The following PLIN1 variants were observed in gnomAD, a reference collection of about 807,000 sequenced individuals.
The protein encoded by PLIN1 is perilipin 1, also known as perilipin-1.
A neutral mutation model predicts 45.8 loss-of-function variants in PLIN1; 37 were observed. That is an observed-to-expected ratio of 0.81 (90% CI 0.62 to 1.06). The LOEUF is 1.06. Among genes scored for constraint, PLIN1 ranks in the 50% least tolerant of loss-of-function variants. The pLI, the probability that PLIN1 is intolerant of heterozygous loss-of-function variation, is 0.00. For missense variants in PLIN1, 776 were observed against 716.5 expected, an observed-to-expected ratio of 1.08 and a Z score of -0.95; for synonymous variants, 340 against 309.2, an observed-to-expected ratio of 1.10 and a Z score of -1.05.
In PLIN1 at chr15:89,665,602, T is replaced by C. The variant is rs547042988; in HGVS notation, c.1550A>G (p.Gln517Arg). ...EPILGRTHYSQLRKKS is the reference protein window; with the variant it reads ...EPILGRTHYSRLRKKS The stretch of plus-strand genomic sequence containing the variant: ...GGCGACTCAGCTCTTCTTGCGCAGC[T>C]GGCTGTAATGCGTGCGGCCCAGGAT... The change falls in exon 9 of 9, where the codon CAG becomes CGG. Residue 517 changes from glutamine to arginine, a missense_variant. Coordinates refer to ENST00000300055, the MANE Select transcript of PLIN1 (RefSeq NM_002666.5). 1.2e-5 allele frequency: 18 copies of C among 1,530,146 alleles called. No individual in the cohort carries two copies. In the East Asian group the frequency reaches 4.3e-4, roughly 36 times the overall value. 94.8% of individuals were successfully genotyped at this position (1,530,146 alleles called of 1,614,324 possible). A position where few individuals can be genotyped will look rare whatever the true frequency, so the allele number is the denominator to read the frequency against.
At position 89,671,717 on chromosome 15, in the gene PLIN1, C is replaced by A. The variant is rs1077903; in HGVS notation, c.251-153G>T. On this transcript the variant is annotated intron_variant, in intron 3 of 8. Coordinates refer to ENST00000300055, the MANE Select transcript of PLIN1 (RefSeq NM_002666.5). ...GGGCCCCAGGCCCTTTGCCCTCTTTCGCCCTTGTCTGCAGGGACTCCTCAA... is the reference window on the plus strand; with the variant it reads ...GGGCCCCAGGCCCTTTGCCCTCTTTAGCCCTTGTCTGCAGGGACTCCTCAA... 0.96 allele frequency among the ~76,000 whole-genome samples: 145,490 copies of A among 152,216 alleles called. 69,822 individuals are homozygous for A. The highest frequency in any genetic ancestry group is 1 in the Non-Finnish European group (67,805 of 68,030).
chr15:89,666,922 G>A lies in PLIN1; in HGVS notation c.1209+14C>T, dbSNP rs1367469562. 25 of 1,613,640 alleles carry A rather than the reference G, an allele frequency of 1.5e-5. No homozygotes were observed. Among genetic ancestry groups the A allele is most frequent in the African/African-American group, 2.7e-5 (2 of 74,928 alleles). ...CCCTTGGGACACTAACAGTTTGCCA[G>A]GGGTGGTACTCACCGGCACGTAATG... is the stretch of plus-strand genomic sequence containing the variant. On this transcript the variant is annotated intron_variant, in intron 8 of 8. Transcript: ENST00000300055.
In PLIN1 at chr15:89,667,185, G is replaced by T. The variant is rs1202611227; in HGVS notation, c.964-4C>A. ...GAGGGCCTGGCAGGGCTGCTACCTG[G>T]GGGCCAAAGCAGGGTCAGTGCCTCC... On this transcript the variant is annotated splice_region_variant and splice_polypyrimidine_tract_variant and intron_variant, in intron 7 of 8. Coordinates refer to ENST00000300055, the MANE Select transcript of PLIN1 (RefSeq NM_002666.5). The T allele has an allele frequency of 5.6e-6, 9 of 1,612,888 alleles. No homozygotes were observed. Among genetic ancestry groups the T allele is most frequent in the Non-Finnish European group, 7.6e-6 (9 of 1,179,980 alleles).
chr15:89,670,755 C>A (rs1014433878), intron 4 of PLIN1, among the ~76,000 whole-genome samples: 3 of 152,166 alleles, frequency 2.0e-5, no homozygotes, highest in Non-Finnish European at 4.4e-5. Flanking sequence ...GCTGAATAGA[C>A]CTGCTCTCAT....
In PLIN1 at chr15:89,666,925, G is replaced by A. The variant is rs764581818; in HGVS notation, c.1209+11C>T. ...TTGGGACACTAACAGTTTGCCAGGG[G>A]TGGTACTCACCGGCACGTAATGCAC... is the stretch of plus-strand genomic sequence containing the variant. On this transcript the variant is annotated intron_variant, in intron 8 of 8. Coordinates refer to ENST00000300055, the MANE Select transcript of PLIN1 (RefSeq NM_002666.5). The A allele has an allele frequency of 3.7e-6, 6 of 1,613,702 alleles. No individual in the cohort carries two copies. The Admixed American group carries it at 8.3e-5, about 22-fold the overall frequency.
chr15:89,678,878 A>G (rs1003950604), intron 1 of PLIN1, among the ~76,000 whole-genome samples: 2 of 151,886 alleles, frequency 1.3e-5, no homozygotes, highest in African/African-American at 2.4e-5. Context: ...CAGGGTCTCA[A>G]TCTGTTGCCC....
In PLIN1 at chr15:89,673,316, G is replaced by A; in HGVS notation, c.144C>T (p.His48=). ...QKTYTSTKEA[H]PLVASVCNAY... ...CATTGCACACAGAGGCCACCAGGGGGTGGGCTTCCTTAGTGCTGGTGTAGG... is the reference window on the plus strand; with the variant it reads ...CATTGCACACAGAGGCCACCAGGGGATGGGCTTCCTTAGTGCTGGTGTAGG... The change falls in exon 3 of 9, where the codon CAC becomes CAT. Residue 48 remains histidine, a synonymous_variant. Coordinates refer to ENST00000300055, the MANE Select transcript of PLIN1 (RefSeq NM_002666.5). 6.3e-7 allele frequency: 1 copy of A among 1,592,852 alleles called. No individual in the cohort carries two copies. The highest frequency in any genetic ancestry group is 8.6e-7 in the Non-Finnish European group (1 of 1,169,084).
chr15:89,665,637 G>A lies in PLIN1; in HGVS notation c.1515C>T (p.Val505=), dbSNP rs1392050118. Residue 505 remains valine (V), a synonymous_variant, in exon 9 of 9, where the codon GTC becomes GTT. Coordinates refer to ENST00000300055, the MANE Select transcript of PLIN1 (RefSeq NM_002666.5). ...RVSDSFFRPS[V]MEPILGRTHY... is the part of the protein sequence containing the mutation. ...GCGTGCGGCCCAGGATGGGCTCCAT[G>A]ACGCTGGGCCGGAAGAAGCTGTCGC... The A allele has an allele frequency of 5.3e-6, 8 of 1,508,308 alleles. No individual in the cohort carries two copies. The highest frequency in any genetic ancestry group is 3.5e-6 in the Non-Finnish European group (4 of 1,130,544). 93.4% of individuals were successfully genotyped at this position (1,508,308 alleles called of 1,614,324 possible).
intron 2 of PLIN1, 122 bp downstream of exon 2, chr15:89,677,322 GT>G: frequency 2.3e-6 from 2 of 856,962 alleles, no homozygotes; most frequent in Non-Finnish European, 4.1e-6. Context: ...AGCCATGGTA[GT>G]CAATGAACTA....
intron 1 of PLIN1, among the ~76,000 whole-genome samples, chr15:89,678,133 T>A (rs1426458520): frequency 6.6e-6 from 1 of 151,834 alleles, no homozygotes; most frequent in Non-Finnish European, 1.5e-5. Flanking sequence ...CCTCAAGTGA[T>A]CTGCCCACCT....
chr15:89,669,029 G>A (rs988048737), intron 6 of PLIN1, among the ~76,000 whole-genome samples: 1 of 151,838 alleles, frequency 6.6e-6, no homozygotes, highest in African/African-American at 2.4e-5. Context: ...GGCCTAGAAA[G>A]GGCAACTTCA....
chr15:89,668,081 C>G (rs1964382487), intron 6 of PLIN1, among the ~76,000 whole-genome samples: 1 of 152,244 alleles, frequency 6.6e-6, no homozygotes, highest in Non-Finnish European at 1.5e-5. Context: ...TGTCCCCACT[C>G]AGTCCACATT....
At chr15:89,670,394 T>A in intron 4 of PLIN1, 150 bp from the exon 5 acceptor site, 2 of 806,788 alleles carry the variant, frequency 2.5e-6, no homozygotes, top group Non-Finnish European at 3.9e-6. Context: ...TACCTGGAAT[T>A]AAGCTGGGCT....
chr15:89,666,818 C>A, intron 8 of PLIN1, 118 bp downstream of exon 8: 1 of 1,132,954 alleles, frequency 8.8e-7, no homozygotes, highest in Non-Finnish European at 1.3e-6. Flanking sequence ...GAGTGGGGGG[C>A]GGTCTCCAGA....
chr15:89,665,864 C>G lies in PLIN1; in HGVS notation c.1288G>C (p.Glu430Gln). 3 of 1,502,526 alleles carry G rather than the reference C, an allele frequency of 2.0e-6. No individual in the cohort carries two copies. Among genetic ancestry groups the G allele is most frequent in the Non-Finnish European group, 2.7e-6 (3 of 1,131,988 alleles). 93.1% of individuals were successfully genotyped at this position (1,502,526 alleles called of 1,614,324 possible). ...GCCCCAGACGCTCTGCGCTCCGCCT[C>G]CCGGCGCTCGACCTCGGCTGGTGGG... ...DNPPAEVERR[E>Q]AERRASGAPS... is the part of the protein sequence containing the mutation. The change falls in exon 9 of 9, where the codon GAG becomes CAG. Residue 430 changes from glutamate to glutamine, a missense_variant. Glu to Gln is a conservative substitution (Grantham distance 29). Coordinates refer to ENST00000300055, the MANE Select transcript of PLIN1 (RefSeq NM_002666.5).
At chr15:89,671,417 C>A in intron 4 of PLIN1, 65 bp downstream of exon 4, 1 of 1,164,038 alleles carries the variant, frequency 8.6e-7, no homozygotes. Flanking sequence ...AGCCCCTGCC[C>A]TCTCCTCCCT....
intron 5 of PLIN1, 132 bp from the exon 6 acceptor site, chr15:89,669,804 C>T (rs1179344469): frequency 3.2e-6 from 2 of 631,160 alleles, no homozygotes; most frequent in African/African-American, 4.5e-5. Context: ...CCACAACTCA[C>T]TTTCCCTCTT....
chr15:89,677,559 G>A (rs533937224), intron 1 of PLIN1, 56 bp from the exon 2 acceptor site: 1 of 1,444,568 alleles, frequency 6.9e-7, no homozygotes, highest in Non-Finnish European at 9.8e-7. Context: ...GCTCCACTGG[G>A]TCACTTCCCT....
Position 89,674,923 on chromosome 15 carries a change from G to A in PLIN1, c.46-1509C>T, listed in dbSNP as rs75489135. 8.0e-3 allele frequency among the ~76,000 whole-genome samples: 1,217 copies of A among 151,976 alleles called. 20 individuals are homozygous for A. The highest frequency in any genetic ancestry group is 0.01 in the Non-Finnish European group (700 of 67,992). ...AAGGCCAGCCTGGGCAACACAGGGA[G>A]ACCCCGTCTCTACAAAAAAAAATAA... On this transcript the variant is annotated intron_variant, in intron 2 of 8. Transcript: ENST00000300055.
Sources: allele counts gnomAD v4.1 joint callset (sites outside exome capture counted in the v4.1 genomes callset), GRCh38; gene constraint gnomAD v4.1.1; transcripts MANE v1.5; gene names NCBI Gene and HGNC (gene_info 2026-07-23, HGNC 2026-07-21).